The following DPP10 variants were observed in gnomAD, a reference collection of about 807,000 sequenced individuals.
DPP10 encodes the protein dipeptidyl peptidase like 10.
In DPP10, 33 loss-of-function variants were observed where a neutral mutation model predicts 120.9. That is an observed-to-expected ratio of 0.27 (90% CI 0.21 to 0.37). The LOEUF (loss-of-function observed/expected upper bound fraction) is 0.37, where lower values mean the gene tolerates loss of function less well. DPP10 is among the 10% of genes least tolerant of loss of function. DPP10 has a pLI of 1.00. For synonymous variants in DPP10, 337 were observed against 326.1 expected (o/e 1.03, Z -0.36); for missense variants, 816 against 942.8 (o/e 0.87, Z 1.76).
chr2:114,521,342 A>G (rs1287094012), intron 1 of DPP10, among the ~76,000 whole-genome samples: 1 of 152,046 alleles, frequency 6.6e-6, no homozygotes, highest in Non-Finnish European at 1.5e-5. Context: ...ATGTAAAAAT[A>G]AAGTCATCAA....
Position 115,309,349 on chromosome 2 carries a change from C to G in DPP10, c.171C>G (p.Thr57=). 1 of 1,612,286 alleles carries G rather than the reference C, an allele frequency of 6.2e-7. No homozygotes were observed. Among genetic ancestry groups the G allele is most frequent in the Non-Finnish European group, 8.5e-7 (1 of 1,178,768 alleles). The stretch of plus-strand genomic sequence containing the variant: ...TCACTATGTCAGTCATCCTCTTAAC[C>G]CCAGGTAATCTGTCTTTATTCCTCT... ...SLITMSVILL[T]PDELTNSSET... is the part of the protein sequence containing the mutation. The change falls in exon 2 of 26, where the codon ACC becomes ACG. Residue 57 remains threonine (T), a synonymous_variant. Coordinates refer to ENST00000410059, the MANE Select transcript of DPP10 (RefSeq NM_020868.6).
At chr2:114,534,562 A>T (rs1686326943) in intron 1 of DPP10, among the ~76,000 whole-genome samples, 1 of 152,212 alleles carries the variant, frequency 6.6e-6, no homozygotes, top group Admixed American at 6.5e-5. Context: ...GTAACAGCAG[A>T]AATCTGACTG....
intron 1 of DPP10, among the ~76,000 whole-genome samples, chr2:114,608,931 T>C (rs1332556771): frequency 1.3e-5 from 2 of 152,094 alleles, no homozygotes; most frequent in African/African-American, 2.4e-5. Context: ...AAACTAACTA[T>C]TGGGTACTAT....
At chr2:114,899,905 A>G (rs912224779) in intron 1 of DPP10, among the ~76,000 whole-genome samples, 1 of 152,220 alleles carries the variant, frequency 6.6e-6, no homozygotes, top group African/African-American at 2.4e-5. Flanking sequence ...GCTGGCAGTG[A>G]GCCAAGATCG....
At chr2:115,058,371 GA>G (rs1706114986) in intron 1 of DPP10, among the ~76,000 whole-genome samples, 1 of 148,572 alleles carries the variant, frequency 6.7e-6, no homozygotes. Context: ...ATGGAGACCA[GA>G]AAAAACCATT....
chr2:114,826,177 G>T (rs1261460762), intron 1 of DPP10, among the ~76,000 whole-genome samples: 1 of 151,926 alleles, frequency 6.6e-6, no homozygotes. Flanking sequence ...GTATGCCCTG[G>T]GTAGCTAAGA....
intron 1 of DPP10, among the ~76,000 whole-genome samples, chr2:115,104,221 C>T (rs1309623225): frequency 8.2e-6 from 1 of 121,560 alleles, no homozygotes; most frequent in African/African-American, 3.1e-5. Flanking sequence ...TGCTCTGTTG[C>T]CCAGGCTGGA....
At chr2:115,739,054 G>A (rs762323746) in intron 8 of DPP10, among the ~76,000 whole-genome samples, 2 of 152,106 alleles carry the variant, frequency 1.3e-5, no homozygotes, top group African/African-American at 2.4e-5. Flanking sequence ...GGTGGCTGCA[G>A]TGACAGAAGT....
At chr2:114,536,467 G>T (rs1318208326) in intron 1 of DPP10, among the ~76,000 whole-genome samples, 1 of 141,852 alleles carries the variant, frequency 7.0e-6, no homozygotes, top group Non-Finnish European at 1.5e-5. Context: ...GTGCAGTGGT[G>T]CCATCTCAGC....
chr2:114,888,150 AAAAAAAAAAAG>A (rs1387150309), intron 1 of DPP10, among the ~76,000 whole-genome samples: 1 of 151,734 alleles, frequency 6.6e-6, no homozygotes, highest in Non-Finnish European at 1.5e-5. Flanking sequence ...CTCAAAAAAA[AAAAAAAAAAAG>A]AAAAGAAAAA....
intron 3 of DPP10, among the ~76,000 whole-genome samples, chr2:115,486,685 C>T (rs1217280090): frequency 6.6e-6 from 1 of 152,090 alleles, no homozygotes; most frequent in Non-Finnish European, 1.5e-5. Context: ...GGTGGTTATG[C>T]TACTATTCTG....
intron 1 of DPP10, among the ~76,000 whole-genome samples, chr2:115,180,353 G>C (rs1245736881): frequency 6.6e-6 from 1 of 152,110 alleles, no homozygotes; most frequent in African/African-American, 2.4e-5. Context: ...GAATAGGTAT[G>C]ACTTGAAATA....
intron 1 of DPP10, among the ~76,000 whole-genome samples, chr2:115,154,236 G>A (rs1281339300): frequency 1.3e-5 from 2 of 152,036 alleles, no homozygotes; most frequent in African/African-American, 4.8e-5. Context: ...TTATATATTA[G>A]GTAAGAAATA....
At chr2:114,920,481 T>G (rs1372368481) in intron 1 of DPP10, among the ~76,000 whole-genome samples, 2 of 152,220 alleles carry the variant, frequency 1.3e-5, no homozygotes, top group African/African-American at 2.4e-5. Flanking sequence ...TCTGGAATTC[T>G]AATCTTTCAG....
intron 3 of DPP10, among the ~76,000 whole-genome samples, chr2:115,481,569 A>G (rs758661969): frequency 4.5e-4 from 68 of 152,242 alleles, no homozygotes; most frequent in Admixed American, 1.6e-3. Context: ...GATGAAATGA[A>G]GTCGTTGGAC....
rs918471010 is a variant in DPP10, at chr2:115,311,622, C to T, written c.175+2269C>T. Among the ~76,000 whole-genome samples, 7 of 152,112 alleles carry T rather than the reference C, an allele frequency of 4.6e-5. No homozygotes were observed. The East Asian group carries it at 5.8e-4, about 13-fold the overall frequency. ...GCTGTTGTAGTTGGCCCTGCACTTT[C>T]GCTATTTTATAACTTTCACCTCCAA... is the stretch of plus-strand genomic sequence containing the variant. On this transcript the variant is annotated intron_variant, in intron 2 of 25. Coordinates refer to ENST00000410059, the MANE Select transcript of DPP10 (RefSeq NM_020868.6).
intron 1 of DPP10, among the ~76,000 whole-genome samples, chr2:114,635,543 A>G (rs1695242420): frequency 6.6e-6 from 1 of 151,970 alleles, no homozygotes; most frequent in African/African-American, 2.4e-5. Context: ...TTTTCTGAAG[A>G]CAAAGATTAT....
intron 1 of DPP10, among the ~76,000 whole-genome samples, chr2:115,104,979 C>T (rs1033708960): frequency 6.6e-6 from 1 of 151,554 alleles, no homozygotes; most frequent in Non-Finnish European, 1.5e-5. Flanking sequence ...GGACTCCAGC[C>T]TGGGCGACAG....
At chr2:115,723,326 T>C (rs2092690408) in intron 7 of DPP10, among the ~76,000 whole-genome samples, 1 of 152,210 alleles carries the variant, frequency 6.6e-6, no homozygotes, top group Non-Finnish European at 1.5e-5. Flanking sequence ...TTGTTGTTTT[T>C]GCTTTTCTTT....
Sources: gnomAD v4.1 joint callset for allele counts (sites outside exome capture counted in the v4.1 genomes callset) on GRCh38, gnomAD v4.1.1 for gene constraint, MANE v1.5 for transcripts, NCBI Gene and HGNC (gene_info 2026-07-23, HGNC 2026-07-21) for gene names.